Variants in BICC1 observed in about 807,000 individuals in gnomAD.
BICC1 encodes protein bicaudal C homolog 1.
BICC1 carries 43 observed loss-of-function variants against 111.0 expected under a neutral mutation model. The observed-to-expected ratio is 0.39, with a 90% CI of 0.30 to 0.50. The LOEUF (loss-of-function observed/expected upper bound fraction) is 0.50, where lower values mean the gene tolerates loss of function less well. Ranked by LOEUF, BICC1 falls within the 20% of genes least tolerant of loss-of-function variation. BICC1 has a pLI of 0.88. For synonymous variants in BICC1, 467 were observed against 434.4 expected (o/e 1.07, Z -0.93); for missense variants, 1,091 against 1,203.2 (o/e 0.91, Z 1.38).
chr10:58,806,981 T>C, intron 16 of BICC1, 23 bp from the exon 17 acceptor site: 1 of 1,601,536 alleles, frequency 6.2e-7, no homozygotes, highest in Middle Eastern at 1.7e-4. Flanking sequence ...ATACCAAGCA[T>C]TGGTTTTATT....
chr10:58,732,845 A>G (rs955302374), intron 3 of BICC1, among the ~76,000 whole-genome samples: 1 of 152,136 alleles, frequency 6.6e-6, no homozygotes, highest in African/African-American at 2.4e-5. Flanking sequence ...ACAATTTACA[A>G]TAGTAACATC....
chr10:58,609,543 TC>T (rs1845345311), intron 1 of BICC1, among the ~76,000 whole-genome samples: 1 of 152,262 alleles, frequency 6.6e-6, no homozygotes. Flanking sequence ...GTAAGATTAG[TC>T]TTATATTTCT....
In BICC1 at chr10:58,807,086, A is replaced by G. The variant is rs368597856; in HGVS notation, c.2304A>G (p.Pro768=). The G allele has an allele frequency of 2.8e-5, 45 of 1,613,864 alleles. No homozygotes were observed. Among genetic ancestry groups the G allele is most frequent in the Non-Finnish European group, 3.8e-5 (45 of 1,179,900 alleles). The change falls in exon 17 of 21, where the codon CCA becomes CCG. Residue 768 remains proline, a synonymous_variant. Transcript: ENST00000373886. The part of the protein sequence containing the change: ...WSGLGFSKSM[P]AETIKELRRA... ...GCCTGGGTTTTTCTAAATCCATGCC[A>G]GCTGAAACTATCAAGGAGTTGAGAA...
chr10:58,561,735 C>T (rs939416386), intron 1 of BICC1, among the ~76,000 whole-genome samples: 1 of 151,976 alleles, frequency 6.6e-6, no homozygotes, highest in Non-Finnish European at 1.5e-5. Flanking sequence ...TTTATACTTT[C>T]ATATGCTTTC....
At chr10:58,640,750 A>T (rs1051658527) in intron 2 of BICC1, among the ~76,000 whole-genome samples, 7 of 152,234 alleles carry the variant, frequency 4.6e-5, no homozygotes, top group Non-Finnish European at 8.8e-5. Flanking sequence ...AATGCAGACA[A>T]AGTATAGAGA....
chr10:58,551,673 G>A (rs1022260131), intron 1 of BICC1, among the ~76,000 whole-genome samples: 3 of 152,008 alleles, frequency 2.0e-5, no homozygotes, highest in African/African-American at 2.4e-5. Context: ...CCAGCCCCTG[G>A]TAACCATCAT....
chr10:58,804,763 T>C (rs1228951899), intron 15 of BICC1, among the ~76,000 whole-genome samples: 1 of 152,162 alleles, frequency 6.6e-6, no homozygotes, highest in Non-Finnish European at 1.5e-5. Context: ...TCAGCCTAAC[T>C]CGATGTATTT....
chr10:58,538,326 T>TA (rs1368560570), intron 1 of BICC1, among the ~76,000 whole-genome samples: 1 of 151,836 alleles, frequency 6.6e-6, no homozygotes, highest in Non-Finnish European at 1.5e-5. Context: ...GCCGAATACT[T>TA]ACAACCAACT....
At chr10:58,559,733 A>G (rs921347503) in intron 1 of BICC1, among the ~76,000 whole-genome samples, 3 of 152,064 alleles carry the variant, frequency 2.0e-5, no homozygotes, top group Non-Finnish European at 4.4e-5. Flanking sequence ...GTTGTCATGT[A>G]TGGCCTTTAT....
intron 3 of BICC1, among the ~76,000 whole-genome samples, chr10:58,760,087 T>A (rs1052775147): frequency 6.6e-6 from 1 of 152,140 alleles, no homozygotes; most frequent in African/African-American, 2.4e-5. Context: ...TAAGCAAATG[T>A]GTTCTTAGCT....
intron 2 of BICC1, among the ~76,000 whole-genome samples, chr10:58,621,252 A>G (rs1564517155): frequency 6.6e-6 from 1 of 152,222 alleles, no homozygotes; most frequent in Non-Finnish European, 1.5e-5. Flanking sequence ...ACTATCCTAT[A>G]TGGTGAATAT....
chr10:58,536,451 C>T (rs1045965485), intron 1 of BICC1, among the ~76,000 whole-genome samples: 2 of 151,716 alleles, frequency 1.3e-5, no homozygotes, highest in African/African-American at 4.8e-5. Context: ...GGAAGTTAAT[C>T]TGTTCCTGAG....
chr10:58,569,746 A>T (rs1354747190), intron 1 of BICC1, among the ~76,000 whole-genome samples: 1 of 152,176 alleles, frequency 6.6e-6, no homozygotes, highest in Admixed American at 6.5e-5. Context: ...GCTGCATAGT[A>T]TTCCACGGTG....
chr10:58,689,831 C>T (rs988886888), intron 2 of BICC1, among the ~76,000 whole-genome samples: 1 of 152,168 alleles, frequency 6.6e-6, no homozygotes, highest in African/African-American at 2.4e-5. Context: ...TTTGATTTGA[C>T]TTTGCCGAAA....
chr10:58,707,396 A>C (rs1028029111), intron 3 of BICC1, among the ~76,000 whole-genome samples: 1 of 152,130 alleles, frequency 6.6e-6, no homozygotes, highest in Non-Finnish European at 1.5e-5. Flanking sequence ...GGCATGCTGG[A>C]CCAAAGTGTT....
intron 1 of BICC1, among the ~76,000 whole-genome samples, chr10:58,521,311 G>A (rs376715433): frequency 3.7e-4 from 56 of 152,174 alleles, no homozygotes; most frequent in African/African-American, 1.2e-3. Context: ...TAGGTTGTGA[G>A]GATTAGAAAT....
At chr10:58,512,529 A>G (rs1842112941), upstream of BICC1, among the ~76,000 whole-genome samples, 1 of 152,116 alleles carries the variant, frequency 6.6e-6, no homozygotes, top group Admixed American at 6.5e-5. Context: ...GAGAGCATGT[A>G]GGGGGAAGAG....
intron 1 of BICC1, among the ~76,000 whole-genome samples, chr10:58,612,456 A>AT (rs1238933001): frequency 6.6e-6 from 1 of 152,236 alleles, no homozygotes; most frequent in East Asian, 1.9e-4. Flanking sequence ...TAGCATATGG[A>AT]TTAAATTGAT....
At chr10:58,639,695 G>T (rs1398196348) in intron 2 of BICC1, among the ~76,000 whole-genome samples, 1 of 146,632 alleles carries the variant, frequency 6.8e-6, no homozygotes, top group Non-Finnish European at 1.5e-5. Flanking sequence ...GGAATTACAG[G>T]TATGAGCCAC....
Sources: allele counts gnomAD v4.1 joint callset (sites outside exome capture counted in the v4.1 genomes callset), GRCh38; gene constraint gnomAD v4.1.1; transcripts MANE v1.5; gene names NCBI Gene and HGNC (gene_info 2026-07-23, HGNC 2026-07-21).